Variants in CP observed in about 807,000 individuals in gnomAD.
CP encodes the protein ceruloplasmin.
A neutral mutation model predicts 122.4 loss-of-function variants in CP; 64 were observed. That is an observed-to-expected ratio of 0.52 (90% confidence interval 0.43 to 0.64). The LOEUF is 0.64. Ranked by LOEUF, CP falls within the 30% of genes least tolerant of loss-of-function variation. The pLI is 0.00. For missense variants in CP, 1,167 were observed against 1,284.4 expected (o/e 0.91, Z 1.40); for synonymous variants, 440 against 436.4 (o/e 1.01, Z -0.10).
chr3:149,172,596 G>A lies in CP; in HGVS notation c.*1118C>T, dbSNP rs1162833776. 6.0e-6 allele frequency: 1 copy of A among 165,664 alleles called. No individual in the cohort carries two copies. Among genetic ancestry groups the A allele is most frequent in the Non-Finnish European group, 1.3e-5 (1 of 75,712 alleles). The allele number at this position is 165,664 out of a possible 1,614,324, so 10.3% of individuals were successfully genotyped here. A position where few individuals can be genotyped will look rare whatever the true frequency, so the allele number is the denominator to read the frequency against. On this transcript the variant is annotated 3_prime_UTR_variant, in exon 19 of 19. Transcript: ENST00000264613. ...ATTTTCATCCCAAGAACACTTTAAG[G>A]AAACATTTTACAAGTATGCTTGAAA...
At chr3:149,181,974 G>GGGGGGGGGGGGGGGGCC in intron 14 of CP, 31 bp downstream of exon 14, 2 of 1,356,690 alleles carry the variant, frequency 1.5e-6, no homozygotes, top group Non-Finnish European at 1.0e-6. Context: ...CTGTTAAAAT[G>GGGGGGGGGGGGGGGGCC]CACCACCCCC....
downstream of CP, chr3:149,170,687 A>G (rs1724887869): frequency 6.6e-6 from 1 of 152,224 alleles, no homozygotes; most frequent in Non-Finnish European, 1.5e-5. Context: ...CAACAAAGGC[A>G]GTTCATTCTT....
At chr3:149,177,333 T>C (rs574648017) in intron 17 of CP, among the ~76,000 whole-genome samples, 70 of 152,302 alleles carry the variant, frequency 4.6e-4, no homozygotes, top group African/African-American at 1.6e-3. Flanking sequence ...GAAAATTCAG[T>C]TAAAAATGCA....
chr3:149,217,138 A>T (rs1450860108), intron 1 of CP, among the ~76,000 whole-genome samples: 2 of 151,956 alleles, frequency 1.3e-5, no homozygotes, highest in African/African-American at 4.8e-5. Flanking sequence ...TGACCTTGTG[A>T]TCCACCTGCC....
In CP at chr3:149,206,169, T is replaced by G; in HGVS notation, c.1207A>C (p.Ser403Arg). The G allele has an allele frequency of 6.2e-7, 1 of 1,613,740 alleles. No homozygotes were observed. Among genetic ancestry groups the G allele is most frequent in the Non-Finnish European group, 8.5e-7 (1 of 1,179,660 alleles). Residue 403 changes from serine to arginine, a missense_variant and splice_region_variant, in exon 6 of 19, where the codon AGT becomes CGT. By Grantham distance (110) the Ser-to-Arg change is moderately radical. This residue lies in a region of CP where 642 missense variants were observed against 627.3 expected (regional missense o/e 1.02). Coordinates refer to ENST00000264613, the MANE Select transcript of CP (RefSeq NM_000096.4). ...TAGTACTCTTTTTTTGTAAATTACC[T>G]TCCAGGTGCTGTTAAGTTTTCTTTA... ...FTKENLTAPG[S>R]DSAVFFEQGT...
At chr3:149,205,930 T>C (rs1326920839) in intron 6 of CP, among the ~76,000 whole-genome samples, 3 of 152,210 alleles carry the variant, frequency 2.0e-5, no homozygotes, top group Non-Finnish European at 4.4e-5. Context: ...TAGTATTCAG[T>C]GTTTTCTTAG....
intron 14 of CP, 25 bp downstream of exon 14, chr3:149,181,980 C>CGGGG: frequency 1.9e-6 from 1 of 515,890 alleles, no homozygotes; most frequent in Non-Finnish European, 3.7e-6. Context: ...AAATGCACCA[C>CGGGG]CCCCACCCCC....
chr3:149,194,848 A>C (rs1726793105), intron 9 of CP, among the ~76,000 whole-genome samples: 1 of 152,328 alleles, frequency 6.6e-6, no homozygotes, highest in South Asian at 2.1e-4. Flanking sequence ...AAGAATAAGG[A>C]AGCAAAAATA....
rs35132881 is a variant in CP at position 149,194,614 on chromosome 3, T to TAA, written c.1713+3751_1713+3752dup. Reference sequence around the variant, plus strand: ...AAAATAAAACATCTCAGCGTAATCTTAAAAAAAAATCCAAGATCCATATAA... The same window carrying TAA: ...AAAATAAAACATCTCAGCGTAATCTTAAAAAAAAAAATCCAAGATCCATATAA... On this transcript the variant is annotated intron_variant, in intron 9 of 18. Coordinates refer to ENST00000264613, the MANE Select transcript of CP (RefSeq NM_000096.4). Among the ~76,000 whole-genome samples, 11 of 151,382 alleles carry TAA rather than the reference T, an allele frequency of 7.3e-5. No homozygotes were observed. In the East Asian group the frequency reaches 7.8e-4, roughly 11 times the overall value.
intron 6 of CP, among the ~76,000 whole-genome samples, chr3:149,202,784 T>A (rs1465984205): frequency 6.6e-6 from 1 of 150,510 alleles, no homozygotes; most frequent in Admixed American, 6.6e-5. Context: ...ATTTTTTGTA[T>A]TTCTTTAGTA....
rs1576760031 is a variant in CP, at chr3:149,198,535, G to A, written c.1545C>T (p.Phe515=). The change falls in exon 9 of 19, where the codon TTC becomes TTT. Residue 515 remains phenylalanine, a synonymous_variant. Transcript: ENST00000264613. ...SASHVAPTET[F]TYEWTVPKEV... ...CTTTGGGGACAGTCCATTCATAGGT[G>A]AATGTTTCTGTGGGTGCCACATGGG... 5.0e-6 allele frequency: 8 copies of A among 1,614,124 alleles called. No individual in the cohort carries two copies. Among genetic ancestry groups the A allele is most frequent in the Non-Finnish European group, 6.8e-6 (8 of 1,179,990 alleles).
At chr3:149,201,015 C>T (rs535424725) in intron 7 of CP, among the ~76,000 whole-genome samples, 2 of 152,286 alleles carry the variant, frequency 1.3e-5, no homozygotes, top group East Asian at 1.9e-4. Context: ...ATTCTGCCTG[C>T]GTGCCTTGGC....
intron 4 of CP, among the ~76,000 whole-genome samples, chr3:149,208,537 G>A (rs1293569001): frequency 1.3e-5 from 2 of 152,108 alleles, no homozygotes; most frequent in African/African-American, 4.8e-5. Context: ...CGGTTTCTGA[G>A]TACAGGTTAT....
intron 12 of CP, among the ~76,000 whole-genome samples, chr3:149,184,191 T>C (rs1006388727): frequency 2.0e-5 from 3 of 151,634 alleles, no homozygotes; most frequent in African/African-American, 7.3e-5. Context: ...CCCGCCACCA[T>C]GCCCAGCTAA....
intron 9 of CP, among the ~76,000 whole-genome samples, chr3:149,196,559 C>T (rs988108506): frequency 1.3e-5 from 2 of 152,146 alleles, no homozygotes; most frequent in East Asian, 1.9e-4. Flanking sequence ...CCTGGTGTCT[C>T]GTTATACTAG....
intron 18 of CP, among the ~76,000 whole-genome samples, chr3:149,174,840 C>A (rs1725305081): frequency 6.6e-6 from 1 of 152,100 alleles, no homozygotes; most frequent in Admixed American, 6.6e-5. Context: ...CAGTCTCATG[C>A]AATACCTTTT....
chr3:149,190,693 C>T (rs1176545175), intron 9 of CP, among the ~76,000 whole-genome samples: 2 of 151,438 alleles, frequency 1.3e-5, no homozygotes, highest in East Asian at 1.9e-4. Context: ...GGGGGGAACC[C>T]CATAAACAAC....
At position 149,181,985 on chromosome 3, in the gene CP, A is replaced by AC. The variant is rs765748551; in HGVS notation, c.2554+19dup. 1.2e-5 allele frequency: 5 copies of AC among 409,044 alleles called. No individual in the cohort carries two copies. The highest frequency in any genetic ancestry group is 6.0e-5 in the Admixed American group (2 of 33,270). 25.3% of individuals were successfully genotyped at this position (409,044 alleles called of 1,614,324 possible). On this transcript the variant is annotated intron_variant, in intron 14 of 18. Coordinates refer to ENST00000264613, the MANE Select transcript of CP (RefSeq NM_000096.4). ...CAGCCTGTTAAAATGCACCACCCCCACCCCCGCCCCCGTGAGTACCTGGTA... is the reference window on the plus strand; with the variant it reads ...CAGCCTGTTAAAATGCACCACCCCCACCCCCCGCCCCCGTGAGTACCTGGTA...
At position 149,202,130 on chromosome 3, in the gene CP, G is replaced by T; in HGVS notation, c.1320C>A (p.Gly440=). Residue 440 remains glycine, a synonymous_variant, in exon 7 of 19, where the codon GGC becomes GGA. Transcript: ENST00000264613. ...GGATGCCAAGATGCTCTTCTTCAGGGCCTCTCTCCTTTCGATTTGTGAAGG... is the reference window on the plus strand; with the variant it reads ...GGATGCCAAGATGCTCTTCTTCAGGTCCTCTCTCCTTTCGATTTGTGAAGG... ...DASFTNRKER[G]PEEEHLGILG... The T allele has an allele frequency of 6.2e-7, 1 of 1,614,092 alleles. No homozygotes were observed.
Sources: gnomAD v4.1 joint callset for allele counts (sites outside exome capture counted in the v4.1 genomes callset) on GRCh38, gnomAD v4.1.1 for gene constraint, gnomAD v4.1.1 regional missense constraint, MANE v1.5 for transcripts, NCBI Gene and HGNC (gene_info 2026-07-23, HGNC 2026-07-21) for gene names.